Variants in ADGRL2 observed in about 807,000 individuals in gnomAD.
The protein encoded by ADGRL2 is adhesion G protein-coupled receptor L2, also known as calcium-independent alpha-latrotoxin receptor 2.
ADGRL2 carries 44 observed loss-of-function variants against 157.4 expected under a neutral mutation model. That is an observed-to-expected ratio of 0.28 (90% CI 0.22 to 0.36). The LOEUF (loss-of-function observed/expected upper bound fraction) is 0.36. ADGRL2 is among the 10% of genes least tolerant of loss of function. The pLI is 1.00. For missense variants in ADGRL2, 1,510 were observed against 1,768.9 expected (o/e 0.85, Z 2.63); for synonymous variants, 585 against 624.7 (o/e 0.94, Z 0.95).
chr1:81,502,551 C>T (rs977684827), intron 2 of ADGRL2: 5 of 1,614,044 alleles, frequency 3.1e-6, no homozygotes, highest in Non-Finnish European at 2.5e-6. Flanking sequence ...AAGCTGGTGA[C>T]CGAGAAGGGG....
chr1:81,456,918 CT>C (rs1204440077), intron 2 of ADGRL2, among the ~76,000 whole-genome samples: 1 of 152,092 alleles, frequency 6.6e-6, no homozygotes, highest in African/African-American at 2.4e-5. Flanking sequence ...TAAGCTTCTA[CT>C]TTATTTTCAT....
chr1:81,345,709 G>A (rs1662433264), intron 1 of ADGRL2, among the ~76,000 whole-genome samples: 1 of 152,036 alleles, frequency 6.6e-6, no homozygotes, highest in African/African-American at 2.4e-5. Context: ...GTGAAAGAAT[G>A]AGAGAAAAAG....
chr1:81,670,277 A>G (rs2082846773), intron 3 of ADGRL2, among the ~76,000 whole-genome samples: 1 of 152,140 alleles, frequency 6.6e-6, no homozygotes, highest in South Asian at 2.1e-4. Flanking sequence ...TTCTCAATGC[A>G]TTTGCTATTT....
chr1:81,775,930 G>T (rs1165189107), intron 2 of ADGRL2, among the ~76,000 whole-genome samples: 1 of 152,062 alleles, frequency 6.6e-6, no homozygotes, highest in African/African-American at 2.4e-5. Context: ...TGATTGAAAG[G>T]CCTCAGTATG....
At chr1:81,793,633 A>C (rs2087453820) in intron 2 of ADGRL2, among the ~76,000 whole-genome samples, 1 of 152,100 alleles carries the variant, frequency 6.6e-6, no homozygotes, top group African/African-American at 2.4e-5. Flanking sequence ...AAGGAAAGAC[A>C]GTTTTCTAAA....
intron 1 of ADGRL2, among the ~76,000 whole-genome samples, chr1:81,312,253 T>A (rs955197153): frequency 6.6e-6 from 1 of 152,178 alleles, no homozygotes; most frequent in Non-Finnish European, 1.5e-5. Context: ...CTAAAAGGAA[T>A]TTTGCAAATC....
chr1:81,416,660 G>T (rs765753602), intron 1 of ADGRL2, among the ~76,000 whole-genome samples: 17 of 151,948 alleles, frequency 1.1e-4, no homozygotes, highest in Non-Finnish European at 2.2e-4. Flanking sequence ...CATATATATT[G>T]GTTGAATGTC....
At chr1:81,498,236 T>C (rs1039608533) in intron 2 of ADGRL2, among the ~76,000 whole-genome samples, 5 of 152,116 alleles carry the variant, frequency 3.3e-5, no homozygotes, top group African/African-American at 1.2e-4. Flanking sequence ...TGTTATAAAG[T>C]TGGAATTCAA....
At chr1:81,439,484 G>T (rs1021432274) in intron 1 of ADGRL2, among the ~76,000 whole-genome samples, 12 of 152,170 alleles carry the variant, frequency 7.9e-5, no homozygotes, top group Admixed American at 1.3e-4. Context: ...TCGCGGCAGG[G>T]TTACTCCCTC....
chr1:81,856,480 A>C (rs2093207465), intron 2 of ADGRL2, among the ~76,000 whole-genome samples: 1 of 152,126 alleles, frequency 6.6e-6, no homozygotes, highest in African/African-American at 2.4e-5. Context: ...TTTTTCGATC[A>C]GCTGTTTTTG....
At chr1:81,651,799 T>C (rs1395972364) in intron 3 of ADGRL2, among the ~76,000 whole-genome samples, 1 of 152,148 alleles carries the variant, frequency 6.6e-6, no homozygotes, top group Non-Finnish European at 1.5e-5. Context: ...AGTGGTGCAA[T>C]CATAGTTCAT....
At chr1:81,372,359 T>C (rs1406626135) in intron 1 of ADGRL2, among the ~76,000 whole-genome samples, 3 of 152,178 alleles carry the variant, frequency 2.0e-5, no homozygotes, top group Non-Finnish European at 4.4e-5. Flanking sequence ...TGTTAAGCAA[T>C]GCCAAATAAT....
In ADGRL2 at chr1:81,747,022, A is replaced by G. The variant is rs183586268; in HGVS notation, c.-142-14789A>G. Reference sequence around the variant, plus strand: ...TACGTGTATACACACGTATGTATACACGTGTATATACGTATATATATGTAT... The same window carrying G: ...TACGTGTATACACACGTATGTATACGCGTGTATATACGTATATATATGTAT... On this transcript the variant is annotated intron_variant, in intron 1 of 20. Transcript: ENST00000359929. Among the ~76,000 whole-genome samples, 432 of 144,884 alleles carry G rather than the reference A, an allele frequency of 3.0e-3. 2 individuals carry two copies. The highest frequency in any genetic ancestry group is 3.8e-3 in the Non-Finnish European group (247 of 65,616).
chr1:81,967,263 C>CT (rs5775656), intron 13 of ADGRL2, among the ~76,000 whole-genome samples: 1,404 of 135,718 alleles, frequency 0.01, 20 homozygotes, highest in African/African-American at 0.026. Context: ...TTGATTGACT[C>CT]TTTTTTTTTT....
chr1:81,382,678 C>T (rs754919915), intron 1 of ADGRL2, among the ~76,000 whole-genome samples: 7 of 152,000 alleles, frequency 4.6e-5, no homozygotes, highest in Non-Finnish European at 5.9e-5. Flanking sequence ...CTGGTTCCAC[C>T]GCCTGAGCTG....
chr1:81,560,916 C>T (rs1265698059), intron 2 of ADGRL2, among the ~76,000 whole-genome samples: 1 of 152,144 alleles, frequency 6.6e-6, no homozygotes, highest in East Asian at 1.9e-4. Context: ...GTCATTTTTG[C>T]CTTCTTGCTG....
chr1:81,799,003 T>G (rs1407154408), upstream of ADGRL2, among the ~76,000 whole-genome samples: 1 of 152,188 alleles, frequency 6.6e-6, no homozygotes, highest in Non-Finnish European at 1.5e-5. Flanking sequence ...ACTATCAGTT[T>G]GACTTATTCT....
rs1354556574 is a variant in ADGRL2, at chr1:81,993,070, TATATATATATATATATA to T, written c.*1926_*1942del. Among the ~76,000 whole-genome samples the T allele has an allele frequency of 3.4e-5, 1 of 29,142 alleles. No individual in the cohort carries two copies. The highest frequency in any genetic ancestry group is 5.6e-5 in the Non-Finnish European group (1 of 17,806). The allele number at this position is 29,142 out of a possible 152,430, so 19.1% of individuals were successfully genotyped here. On this transcript the variant is annotated 3_prime_UTR_variant, in exon 24 of 24. Coordinates refer to ENST00000686636, the MANE Select transcript of ADGRL2 (RefSeq NM_001366006.2). ...TATATATAATATACATATATATATA[TATATATATATATATATA>T]TTTTTTTTTTTTTTTTTTTTTTTTT...
chr1:81,759,963 T>C (rs1292960345), intron 1 of ADGRL2, among the ~76,000 whole-genome samples: 1 of 152,082 alleles, frequency 6.6e-6, no homozygotes, highest in Admixed American at 6.6e-5. Flanking sequence ...TTAGTGAGGA[T>C]AGGGGACCCA....
Sources: gnomAD v4.1 joint callset for allele counts (sites outside exome capture counted in the v4.1 genomes callset) on GRCh38, gnomAD v4.1.1 for gene constraint, MANE v1.5 for transcripts, NCBI Gene and HGNC (gene_info 2026-07-23, HGNC 2026-07-21) for gene names.